PAX3: variants seen among roughly 807,000 people sequenced by gnomAD.
PAX3 encodes paired box protein Pax-3.
In PAX3, 14 loss-of-function variants were observed where a neutral mutation model predicts 51.6. The observed-to-expected ratio is 0.27, with a 90% confidence interval of 0.18 to 0.42. The LOEUF (loss-of-function observed/expected upper bound fraction) is 0.42, where lower values mean the gene tolerates loss of function less well. Among genes scored for constraint, PAX3 ranks in the 10% least tolerant of loss-of-function variants. PAX3 has a pLI of 1.00. For missense variants in PAX3, 540 were observed against 642.8 expected (o/e 0.84, Z 1.73); for synonymous variants, 280 against 253.4 (o/e 1.11, Z -1.00).
At chr2:222,265,643 A>AAAAGAAGGAAGG (rs1694020885) in intron 4 of PAX3, among the ~76,000 whole-genome samples, 2 of 26,554 alleles carry the variant, frequency 7.5e-5, no homozygotes, top group Non-Finnish European at 1.5e-4. Flanking sequence ...TCCATCAAAA[A>AAAAGAAGGAAGG]AAAGAAGGAA....
intron 4 of PAX3, among the ~76,000 whole-genome samples, chr2:222,238,383 G>A (rs1021540320): frequency 1.3e-5 from 2 of 152,116 alleles, no homozygotes; most frequent in African/African-American, 2.4e-5. Flanking sequence ...TTAGTCATGT[G>A]GAATTCTGTA....
At position 222,236,473 on chromosome 2, in the gene PAX3, A is replaced by G. The variant is rs560632512; in HGVS notation, c.587-4190T>C. Among the ~76,000 whole-genome samples the G allele has an allele frequency of 1.7e-3, 261 of 152,342 alleles. 1 individual carries two copies. Among genetic ancestry groups the G allele is most frequent in the African/African-American group, 6.1e-3 (252 of 41,588 alleles). ...TAGGAGGGCCATTTTTTTGGATTTC[A>G]TCTATTTTACATACTCAGTTTTACT... On this transcript the variant is annotated intron_variant, in intron 4 of 8. Coordinates refer to ENST00000392070, the MANE Select transcript of PAX3 (RefSeq NM_181458.4).
intron 7 of PAX3, among the ~76,000 whole-genome samples, chr2:222,213,189 C>T (rs1691815428): frequency 6.6e-6 from 1 of 152,124 alleles, no homozygotes; most frequent in Non-Finnish European, 1.5e-5. Flanking sequence ...GAGATTTGGG[C>T]CAGGTCGTTG....
chr2:222,285,943 A>T (rs546365808), intron 4 of PAX3, among the ~76,000 whole-genome samples: 2 of 151,538 alleles, frequency 1.3e-5, no homozygotes, highest in African/African-American at 4.8e-5. Flanking sequence ...TTGATCAGCT[A>T]TTTTTTTTTC....
chr2:222,294,586 C>G (rs904600571), intron 3 of PAX3, among the ~76,000 whole-genome samples: 2 of 152,064 alleles, frequency 1.3e-5, no homozygotes, highest in African/African-American at 4.8e-5. Flanking sequence ...CTTTGTCCCT[C>G]GATTCTGGGC....
chr2:222,267,530 TGGTAAAAGTATC>T (rs1694096233), intron 4 of PAX3, among the ~76,000 whole-genome samples: 1 of 152,234 alleles, frequency 6.6e-6, no homozygotes, highest in African/African-American at 2.4e-5. Context: ...TGCTTACTAT[TGGTAAAAGTATC>T]CTAGCTTATT....
In PAX3 at chr2:222,221,275, A is replaced by G; in HGVS notation, c.905T>C (p.Leu302Ser). The change falls in exon 6 of 9, where the codon TTG (leucine) becomes TCG (serine). Residue 302 changes from leucine to serine, a missense_variant. Transcript: ENST00000392070. The part of the protein sequence containing the change: ...GGFPPTAMPT[L>S]PTYQLSETSY... ...GGTCTCCGACAGCTGGTACGTTGGC[A>G]AGGTCGGCATGGCAGTGGGAGGGAA... 1 of 1,614,044 alleles carries G rather than the reference A, an allele frequency of 6.2e-7. No homozygotes were observed. The highest frequency in any genetic ancestry group is 8.5e-7 in the Non-Finnish European group (1 of 1,179,952).
intron 4 of PAX3, among the ~76,000 whole-genome samples, chr2:222,240,578 G>A (rs1692974039): frequency 6.6e-6 from 1 of 152,174 alleles, no homozygotes; most frequent in African/African-American, 2.4e-5. Flanking sequence ...TCACTGGTAT[G>A]TTTATGTAAA....
intron 5 of PAX3, among the ~76,000 whole-genome samples, chr2:222,229,871 C>A (rs976167616): frequency 4.6e-5 from 7 of 152,140 alleles, no homozygotes; most frequent in African/African-American, 1.7e-4. Flanking sequence ...ATCTATCTAG[C>A]CCGGAAAGTT....
rs796190786 is a variant in PAX3, at chr2:222,201,341, G to A, written c.*67C>T. 2.5e-6 allele frequency: 4 copies of A among 1,611,650 alleles called. No homozygotes were observed. The African/African-American group carries it at 5.4e-5, about 22-fold the overall frequency. On this transcript the variant is annotated 3_prime_UTR_variant, in exon 9 of 9. Coordinates refer to ENST00000392070, the MANE Select transcript of PAX3 (RefSeq NM_181458.4). The stretch of plus-strand genomic sequence containing the variant: ...GTAATTTTTTTTTGTTTTCAGAGCA[G>A]ATTCTTCATATCTAGGCTGCGAAGA...
intron 4 of PAX3, among the ~76,000 whole-genome samples, chr2:222,241,454 GTAAC>G (rs1317528164): frequency 3.9e-5 from 6 of 152,186 alleles, no homozygotes; most frequent in Non-Finnish European, 8.8e-5. Context: ...CTGCCGCTAA[GTAAC>G]TGACTGAATA....
intron 4 of PAX3, among the ~76,000 whole-genome samples, chr2:222,238,490 T>G (rs1692883963): frequency 6.6e-6 from 1 of 152,198 alleles, no homozygotes; most frequent in South Asian, 2.1e-4. Context: ...TACATTGTCT[T>G]TCTTCTCAGC....
At chr2:222,261,157 T>C (rs989306560) in intron 4 of PAX3, among the ~76,000 whole-genome samples, 1 of 152,190 alleles carries the variant, frequency 6.6e-6, no homozygotes, top group African/African-American at 2.4e-5. Flanking sequence ...TCCAAAATTA[T>C]ATCAGCAAAC....
chr2:222,207,640 G>T (rs1404680329), intron 7 of PAX3, among the ~76,000 whole-genome samples: 1 of 152,126 alleles, frequency 6.6e-6, no homozygotes, highest in East Asian at 1.9e-4. Flanking sequence ...AAGGGATTAT[G>T]TATGTTTCAT....
At chr2:222,210,906 C>A (rs1691699650) in intron 7 of PAX3, among the ~76,000 whole-genome samples, 1 of 152,094 alleles carries the variant, frequency 6.6e-6, no homozygotes, top group Non-Finnish European at 1.5e-5. Flanking sequence ...CTCACTCTGT[C>A]ACCTAGGCTG....
At chr2:222,250,202 C>CCT (rs1441103987) in intron 4 of PAX3, among the ~76,000 whole-genome samples, 1 of 152,118 alleles carries the variant, frequency 6.6e-6, no homozygotes, top group East Asian at 1.9e-4. Context: ...CAGAACACAG[C>CCT]TGAAATAGTT....
intron 4 of PAX3, among the ~76,000 whole-genome samples, chr2:222,249,565 G>T (rs1040871723): frequency 6.6e-6 from 1 of 152,168 alleles, no homozygotes; most frequent in Non-Finnish European, 1.5e-5. Context: ...TTTTGCAGAG[G>T]TTTGAAGCTT....
At chr2:222,218,451 AT>A (rs1692053777) in intron 7 of PAX3, among the ~76,000 whole-genome samples, 1 of 152,230 alleles carries the variant, frequency 6.6e-6, no homozygotes, top group Non-Finnish European at 1.5e-5. Flanking sequence ...AGAAATGCCA[AT>A]GGAATCTGGG....
At chr2:222,265,905 C>T (rs1266187082) in intron 4 of PAX3, among the ~76,000 whole-genome samples, 1 of 152,152 alleles carries the variant, frequency 6.6e-6, no homozygotes, top group East Asian at 1.9e-4. Flanking sequence ...GCAAAATGAC[C>T]AAACTCCTAC....
Sources: allele counts gnomAD v4.1 joint callset (sites outside exome capture counted in the v4.1 genomes callset), GRCh38; gene constraint gnomAD v4.1.1; transcripts MANE v1.5; gene names NCBI Gene and HGNC (gene_info 2026-07-23, HGNC 2026-07-21).